SERPINA7: variants seen among roughly 807,000 people sequenced by gnomAD.
The protein encoded by SERPINA7 is serpin family A member 7.
Under a neutral mutation model 16.0 loss-of-function variants are expected in SERPINA7, and 14 were observed. That is an observed-to-expected ratio of 0.88 (90% CI 0.58 to 1.37). The LOEUF is 1.37. Among genes scored for constraint, SERPINA7 ranks in the 40% most tolerant of loss-of-function variants. The pLI is 0.00. For missense variants in SERPINA7, 335 were observed against 296.6 expected (o/e 1.13, Z -0.95); for synonymous variants, 140 against 111.0 (o/e 1.26, Z -1.65).
In SERPINA7 at chrX:106,035,092, A is replaced by G. The variant is rs755438609; in HGVS notation, c.896+20T>C. 1.5e-5 allele frequency: 18 copies of G among 1,208,147 alleles called. No homozygotes were observed. In the South Asian group the frequency reaches 2.8e-4, roughly 19 times the overall value. On this transcript the variant is annotated intron_variant, in intron 3 of 4. Coordinates refer to ENST00000372563, the MANE Select transcript of SERPINA7 (RefSeq NM_000354.6). ...ACTTTTATGCCCACCTTCCACCCAC[A>G]CATCCTCTAAGGCATTTACCCCTTC...
At chrX:106,034,812 A>G (rs2041436162) in intron 3 of SERPINA7, among the ~76,000 whole-genome samples, 1 of 111,708 alleles carries the variant, frequency 9.0e-6, no homozygotes, top group Non-Finnish European at 1.9e-5. Flanking sequence ...GAAGCCATCA[A>G]TTTACTAATA....
chrX:106,038,573 A>C (rs2041468837), intron 1 of SERPINA7, 125 bp downstream of exon 1: 1 of 111,091 alleles, frequency 9.0e-6, no homozygotes. Flanking sequence ...AGATGACCAC[A>C]CTTAGACCTT....
rs1241219777 is a variant in SERPINA7, at chrX:106,036,840, A to C, written c.219T>G (p.Ile73Met). 1 of 1,211,119 alleles carries C rather than the reference A, an allele frequency of 8.3e-7. No homozygotes were observed. Among genetic ancestry groups the C allele is most frequent in the Non-Finnish European group, 1.1e-6 (1 of 895,233 alleles). Residue 73 changes from isoleucine to methionine, a missense_variant, in exon 2 of 5, where the codon ATT (isoleucine) becomes ATG (methionine). Coordinates refer to ENST00000372563, the MANE Select transcript of SERPINA7 (RefSeq NM_000354.6). ...AGGAAAGCATAACCAAAGCTGCAGA[A>C]ATGCTCACAGGGGAAAAGAAGATGT... ...DKNIFFSPVS[I>M]SAALVMLSFG...
rs764412864 is a variant in SERPINA7, at chrX:106,034,251, C to T, written c.1028G>A (p.Gly343Asp). The T allele has an allele frequency of 8.3e-6, 10 of 1,209,082 alleles. No homozygotes were observed. The highest frequency in any genetic ancestry group is 1.1e-5 in the Non-Finnish European group (10 of 894,358). Residue 343 changes from glycine to aspartate, a missense_variant, in exon 4 of 5, where the codon GGT becomes GAT. Gly to Asp is a moderately conservative substitution (Grantham distance 94, BLOSUM62 -1). Coordinates refer to ENST00000372563, the MANE Select transcript of SERPINA7 (RefSeq NM_000354.6). ...TCAACTTACATTGGAAAGTTTCAGA[C>T]CATTGTCCTCTGTGAGTCCAGAAAA... ...ADFSGLTEDN[G>D]LKLSNAAHKA...
intron 4 of SERPINA7, 112 bp from the exon 5 acceptor site, chrX:106,033,815 A>G (rs1416425603): frequency 6.1e-6 from 7 of 1,155,387 alleles, no homozygotes; most frequent in Non-Finnish European, 7.0e-6. Flanking sequence ...TTGCTATACT[A>G]TGTTGATGGT....
At position 106,032,669 on chromosome X, in the gene SERPINA7, G is replaced by A. The variant is rs1319359564; in HGVS notation, c.*831C>T. On this transcript the variant is annotated 3_prime_UTR_variant, in exon 5 of 5. Transcript: ENST00000372563. ...ATGAGTTGGCATGTACAGGTAGAGG[G>A]AAGGTTGTTGAAGGATCTGGGGATA... 1 of 110,974 alleles carries A rather than the reference G, an allele frequency of 9.0e-6. No individual in the cohort carries two copies. Among genetic ancestry groups the A allele is most frequent in the Non-Finnish European group, 1.9e-5 (1 of 52,961 alleles). 9.1% of individuals were successfully genotyped at this position (110,974 alleles called of 1,213,427 possible).
rs186841242 is a variant in SERPINA7 at position 106,034,501 on chromosome X, C to T, written c.897-119G>A. The T allele has an allele frequency of 2.3e-5, 15 of 648,536 alleles. No individual in the cohort carries two copies. In the African/African-American group the frequency reaches 2.6e-4, roughly 11 times the overall value. The allele number at this position is 648,536 out of a possible 1,213,427, so 53.4% of individuals were successfully genotyped here. A position where few individuals can be genotyped will look rare whatever the true frequency, so the allele number is the denominator to read the frequency against. ...TGCTTCTTCCCTGAGTATTGATAACCATTACTATGTAAGTCAATACATGGC... is the reference window on the plus strand; with the variant it reads ...TGCTTCTTCCCTGAGTATTGATAACTATTACTATGTAAGTCAATACATGGC... On this transcript the variant is annotated intron_variant, in intron 3 of 4. Transcript: ENST00000372563.
In SERPINA7 at chrX:106,036,642, A is replaced by G. The variant is rs751131205; in HGVS notation, c.417T>C (p.His139=). The G allele has an allele frequency of 5.8e-6, 7 of 1,210,670 alleles. No homozygotes were observed. In the South Asian group the frequency reaches 1.2e-4, roughly 21 times the overall value. ...TCAAGAACTTTGCCAGTGGTTTCAG[A>G]TGCTTGCCAATGAAGAGGGCATTTC... ...QIGNALFIGK[H]LKPLAKFLND... is the part of the protein sequence containing the mutation. Residue 139 remains histidine (H), a synonymous_variant, in exon 2 of 5, where the codon CAT becomes CAC. Coordinates refer to ENST00000372563, the MANE Select transcript of SERPINA7 (RefSeq NM_000354.6).
In SERPINA7 at chrX:106,037,051, G is replaced by T. The variant is rs1344633302; in HGVS notation, c.8C>A (p.Pro3Gln). The stretch of plus-strand genomic sequence containing the variant: ...TACCAAGAGAACCAGATACAGGAAT[G>T]GTGACATTTTGGAAGGAAGTTAATC... MS[P>Q]FLYLVLLVLG... is the part of the protein sequence containing the mutation. The change falls in exon 2 of 5, where the codon CCA becomes CAA. Residue 3 changes from proline (P) to glutamine (Q), a missense_variant. Transcript: ENST00000372563. 9 of 1,207,553 alleles carry T rather than the reference G, an allele frequency of 7.5e-6. No homozygotes were observed. The highest frequency in any genetic ancestry group is 1.0e-5 in the Non-Finnish European group (9 of 893,648).
In SERPINA7 at chrX:106,033,543, C is replaced by T; in HGVS notation, c.1205G>A (p.Ser402Asn). ...CACAACTTTCCCTAGAAAGAGAATA[C>T]TCCTTGTGCTTCTCTCCAAAATCAA... ...MLLILERSTR[S>N]ILFLGKVVNP... Residue 402 changes from serine to asparagine, a missense_variant, in exon 5 of 5, where the codon AGT becomes AAT. Coordinates refer to ENST00000372563, the MANE Select transcript of SERPINA7 (RefSeq NM_000354.6). 4 of 1,211,081 alleles carry T rather than the reference C, an allele frequency of 3.3e-6. No homozygotes were observed. Among genetic ancestry groups the T allele is most frequent in the Non-Finnish European group, 4.5e-6 (4 of 894,764 alleles).
intron 4 of SERPINA7, among the ~76,000 whole-genome samples, chrX:106,034,032 C>G (rs1039149032): frequency 9.0e-6 from 1 of 111,667 alleles, no homozygotes; most frequent in Non-Finnish European, 1.9e-5. Context: ...AATTCTGGGA[C>G]ATAAAGGTCA....
intron 1 of SERPINA7, 42 bp downstream of exon 1, chrX:106,038,656 A>G (rs987964707): frequency 8.9e-6 from 1 of 111,763 alleles, no homozygotes; most frequent in African/African-American, 3.3e-5. Context: ...TGACTTGCTG[A>G]TAGAGATGTT....
intron 4 of SERPINA7, 93 bp from the exon 5 acceptor site, chrX:106,033,796 G>A (rs746414102): frequency 5.0e-6 from 6 of 1,199,340 alleles, no homozygotes; most frequent in Admixed American, 2.2e-5. Context: ...GAAAGGTGGG[G>A]CCGCCCCTTT....
chrX:106,034,384 T>C lies in SERPINA7; in HGVS notation c.897-2A>G. 2 of 1,202,809 alleles carry C rather than the reference T, an allele frequency of 1.7e-6. 1 individual carries two copies. The highest frequency in any genetic ancestry group is 2.3e-6 in the Non-Finnish European group (2 of 887,540). ...TTTGGAACAAACAAGTCAACCCATC[T>C]GTGGGAAAAGAGGAAGGGAACACAT... On this transcript the variant is annotated splice_acceptor_variant, in intron 3 of 4. Coordinates refer to ENST00000372563, the MANE Select transcript of SERPINA7 (RefSeq NM_000354.6). LOFTEE classifies it high-confidence loss of function.
intron 4 of SERPINA7, 26 bp from the exon 5 acceptor site, chrX:106,033,729 G>A (rs2041426359): frequency 8.3e-7 from 1 of 1,210,814 alleles, no homozygotes; most frequent in Non-Finnish European, 1.1e-6. Context: ...AAATCCTGCG[G>A]GTCTCTGAAG....
intron 1 of SERPINA7, among the ~76,000 whole-genome samples, chrX:106,037,981 G>T (rs186795389): frequency 1.8e-5 from 2 of 111,121 alleles, no homozygotes; most frequent in East Asian, 2.9e-4. Flanking sequence ...CTCAGAAAAA[G>T]GATCCTTCCT....
chrX:106,038,431 TCCTAACA>T (rs2147844139), intron 1 of SERPINA7, among the ~76,000 whole-genome samples: 1 of 111,356 alleles, frequency 9.0e-6, no homozygotes, highest in South Asian at 3.8e-4. Context: ...CTATATCAGC[TCCTAACA>T]GATCACACCA....
chrX:106,032,476 A>C lies in SERPINA7; in HGVS notation c.*1024T>G, dbSNP rs1186537289. 4 of 112,425 alleles carry C rather than the reference A, an allele frequency of 3.6e-5. No individual in the cohort carries two copies. The highest frequency in any genetic ancestry group is 5.6e-5 in the Non-Finnish European group (3 of 53,259). The allele number at this position is 112,425 out of a possible 1,213,427, so 9.3% of individuals were successfully genotyped here. ...AATATTTATTTCAATATGGAAGTAC[A>C]ACATCTGCAACAGTACTTATGCATT... On this transcript the variant is annotated 3_prime_UTR_variant, in exon 5 of 5. Coordinates refer to ENST00000372563, the MANE Select transcript of SERPINA7 (RefSeq NM_000354.6).
At position 106,035,354 on chromosome X, in the gene SERPINA7, C is replaced by T; in HGVS notation, c.654G>A (p.Lys218=). 4 of 1,211,276 alleles carry T rather than the reference C, an allele frequency of 3.3e-6. No homozygotes were observed. The highest frequency in any genetic ancestry group is 4.5e-6 in the Non-Finnish European group (4 of 894,965). ...AQWANPFDPS[K]TEDSSSFLID... The stretch of plus-strand genomic sequence containing the variant: ...TTAAGAAGCTGGAACTGTCTTCTGT[C>T]TTGGATGGATCAAAAGGATTTGCCC... The change falls in exon 3 of 5, where the codon AAG becomes AAA. Residue 218 remains lysine, a synonymous_variant. Transcript: ENST00000372563.
Sources: gnomAD v4.1 joint callset for allele counts (sites outside exome capture counted in the v4.1 genomes callset) on GRCh38, gnomAD v4.1.1 for gene constraint, MANE v1.5 for transcripts, NCBI Gene and HGNC (gene_info 2026-07-23, HGNC 2026-07-21) for gene names.